TJP2: variants seen among roughly 807,000 people sequenced by gnomAD.
TJP2 encodes the protein tight junction protein 2.
A neutral mutation model predicts 133.1 loss-of-function variants in TJP2; 91 were observed. The ratio of observed to expected loss-of-function variants is 0.68; its 90% CI spans 0.58 to 0.81. The LOEUF (loss-of-function observed/expected upper bound fraction) is 0.81, where lower values mean the gene tolerates loss of function less well. TJP2 is among the 40% of genes least tolerant of loss of function. The probability of loss-of-function intolerance (pLI) is 0.00; values close to 1 mark genes in which losing one functional copy is unlikely to be tolerated. For synonymous variants in TJP2, 592 were observed against 583.4 expected (o/e 1.01, Z -0.21); for missense variants, 1,541 against 1,565.6 (o/e 0.98, Z 0.26).
chr9:69,208,100 G>C (rs1233822187), intron 1 of TJP2, among the ~76,000 whole-genome samples: 1 of 152,152 alleles, frequency 6.6e-6, no homozygotes, highest in South Asian at 2.1e-4. Context: ...ACAGTGAAGA[G>C]TTTTCTGTGA....
chr9:69,182,256 C>G (rs1044889781), intron 1 of TJP2, among the ~76,000 whole-genome samples: 3 of 152,146 alleles, frequency 2.0e-5, no homozygotes, highest in African/African-American at 7.2e-5. Flanking sequence ...TGTTTAGTGT[C>G]TGGGTGAGTT....
In TJP2 at chr9:69,245,880, A is replaced by G. The variant is rs144392576; in HGVS notation, c.2567-810A>G. Among the ~76,000 whole-genome samples, 564 of 152,312 alleles carry G rather than the reference A, an allele frequency of 3.7e-3. 2 individuals are homozygous for G. Among genetic ancestry groups the G allele is most frequent in the South Asian group, 7.9e-3 (38 of 4,828 alleles). Reference sequence around the variant, plus strand: ...CACACTGGTTGGGTTTGTTTAATCTATATGTATATTCTAAAATGTGTAAGT... The same window carrying G: ...CACACTGGTTGGGTTTGTTTAATCTGTATGTATATTCTAAAATGTGTAAGT... On this transcript the variant is annotated intron_variant, in intron 17 of 22. Coordinates refer to ENST00000377245, the MANE Select transcript of TJP2 (RefSeq NM_004817.4).
intron 1 of TJP2, among the ~76,000 whole-genome samples, chr9:69,181,495 G>A (rs1343959205): frequency 6.6e-6 from 1 of 152,112 alleles, no homozygotes; most frequent in East Asian, 1.9e-4. Context: ...TGATCCGCCT[G>A]CCTTGGCCTC....
At chr9:69,173,854 C>G (rs1313104642), upstream of TJP2, among the ~76,000 whole-genome samples, 1 of 152,214 alleles carries the variant, frequency 6.6e-6, no homozygotes. Context: ...GCCCGGAGCT[C>G]ACTCCAGGTC....
chr9:69,208,768 G>GT (rs1002542501), intron 1 of TJP2, among the ~76,000 whole-genome samples: 15 of 151,930 alleles, frequency 9.9e-5, no homozygotes, highest in Non-Finnish European at 1.9e-4. Flanking sequence ...GTCCCAGTTA[G>GT]TTTTTTTTCC....
intron 1 of TJP2, among the ~76,000 whole-genome samples, chr9:69,199,428 G>C (rs1450837212): frequency 2.0e-5 from 3 of 152,150 alleles, no homozygotes; most frequent in Non-Finnish European, 4.4e-5. Context: ...CTACTCCGGG[G>C]CTGAGGCAGG....
intron 20 of TJP2, among the ~76,000 whole-genome samples, chr9:69,250,164 G>A (rs939471263): frequency 2.0e-5 from 3 of 152,164 alleles, no homozygotes; most frequent in African/African-American, 4.8e-5. Context: ...GTGCAGTGGT[G>A]CAATCTCGGC....
intron 5 of TJP2, among the ~76,000 whole-genome samples, chr9:69,223,039 A>T (rs1829009488): frequency 7.5e-6 from 1 of 132,610 alleles, no homozygotes; most frequent in African/African-American, 2.9e-5. Flanking sequence ...ACTGCACTCC[A>T]GCCTGGGTGA....
chr9:69,251,147 ATCC>A lies in TJP2; in HGVS notation c.3112_3114del (p.Pro1038del). On this transcript the variant is annotated inframe_deletion, in exon 21 of 23. Coordinates refer to ENST00000377245, the MANE Select transcript of TJP2 (RefSeq NM_004817.4). ...ACTCCTGGGGCATCTACCAAAGGTT[ATCC>A]TCCTCCTGTTGCAGCAAAACCTACC... 2 of 1,614,172 alleles carry A rather than the reference ATCC, an allele frequency of 1.2e-6. No individual in the cohort carries two copies. Among genetic ancestry groups the A allele is most frequent in the South Asian group, 1.1e-5 (1 of 91,076 alleles).
chr9:69,151,809 G>C (rs1823490566), intron 2 of TJP2: 1 of 1,231,786 alleles, frequency 8.1e-7, no homozygotes, highest in South Asian at 4.1e-5. Flanking sequence ...CCTAGTTACT[G>C]GTCTCCCCCA....
At chr9:69,240,259 C>G (rs1379882225) in intron 17 of TJP2, 112 bp downstream of exon 17, 2 of 1,093,804 alleles carry the variant, frequency 1.8e-6, no homozygotes, top group African/African-American at 1.6e-5. Flanking sequence ...GTGTTCATGA[C>G]TCCTTGAAAA....
chr9:69,236,934 G>T lies in TJP2; in HGVS notation c.1992-15G>T. On this transcript the variant is annotated splice_polypyrimidine_tract_variant and intron_variant, in intron 13 of 22. Coordinates refer to ENST00000377245, the MANE Select transcript of TJP2 (RefSeq NM_004817.4). ...TTCTGGCTTTAGAGATTTACTTCCC[G>T]TGGTTTCTTCTCAGAGCTGAACAAA... The T allele has an allele frequency of 1.2e-6, 2 of 1,614,018 alleles. No individual in the cohort carries two copies. Among genetic ancestry groups the T allele is most frequent in the Non-Finnish European group, 1.7e-6 (2 of 1,179,928 alleles).
chr9:69,246,342 C>T, intron 17 of TJP2: 1 of 364,310 alleles, frequency 2.7e-6, no homozygotes, highest in Non-Finnish European at 5.3e-6. Flanking sequence ...GTGTATACAC[C>T]TCAGCCTCCC....
intron 1 of TJP2, among the ~76,000 whole-genome samples, chr9:69,131,835 C>A (rs1258026259): frequency 6.6e-6 from 1 of 152,198 alleles, no homozygotes; most frequent in African/African-American, 2.4e-5. Flanking sequence ...TTTCACAACC[C>A]TGCATCTGTG....
chr9:69,141,525 A>G (rs12001706), intron 1 of TJP2, among the ~76,000 whole-genome samples: 2,691 of 152,294 alleles, frequency 0.018, 81 homozygotes, highest in African/African-American at 0.061. Flanking sequence ...ATGGAAAAAG[A>G]AGGACAGATG....
chr9:69,230,942 T>C (rs1282573820), intron 11 of TJP2, among the ~76,000 whole-genome samples: 3 of 152,214 alleles, frequency 2.0e-5, no homozygotes, highest in African/African-American at 7.2e-5. Flanking sequence ...TTGATACTTT[T>C]AAAATTACTA....
chr9:69,203,142 C>T (rs1020221583), intron 1 of TJP2, among the ~76,000 whole-genome samples: 9 of 151,956 alleles, frequency 5.9e-5, no homozygotes, highest in Admixed American at 2.6e-4. Flanking sequence ...GAACCCTCCC[C>T]GAGTTGCCTG....
At chr9:69,188,941 A>G (rs1826032923) in intron 1 of TJP2, among the ~76,000 whole-genome samples, 2 of 152,210 alleles carry the variant, frequency 1.3e-5, no homozygotes, top group Admixed American at 6.5e-5. Context: ...AAACTTAGAT[A>G]TGCTGTGTTT....
At chr9:69,237,783 T>C in intron 14 of TJP2, 95 bp from the exon 15 acceptor site, 1 of 890,326 alleles carries the variant, frequency 1.1e-6, no homozygotes, top group Non-Finnish European at 1.9e-6. Context: ...TTCTTTCGTT[T>C]AGTTATGTTA....
Sources: gnomAD v4.1 joint callset for allele counts (sites outside exome capture counted in the v4.1 genomes callset) on GRCh38, gnomAD v4.1.1 for gene constraint, MANE v1.5 for transcripts, NCBI Gene and HGNC (gene_info 2026-07-23, HGNC 2026-07-21) for gene names.